PTPN18: variants seen among roughly 807,000 people sequenced by gnomAD.
The protein encoded by PTPN18 is protein tyrosine phosphatase non-receptor type 18.
Under a neutral mutation model 65.4 loss-of-function variants are expected in PTPN18, and 65 were observed. That is an observed-to-expected ratio of 0.99 (90% CI 0.81 to 1.22). The LOEUF is 1.22. Ranked by LOEUF, PTPN18 falls within the 50% of genes most tolerant of loss-of-function variation. The pLI, the probability that PTPN18 is intolerant of heterozygous loss-of-function variation, is 0.00. For missense variants in PTPN18, 616 were observed against 646.5 expected (o/e 0.95, Z 0.51); for synonymous variants, 255 against 267.8 (o/e 0.95, Z 0.47).
chr2:130,373,295 C>T lies in PTPN18; in HGVS notation c.*71C>T, dbSNP rs557376839. 19 of 1,397,604 alleles carry T rather than the reference C, an allele frequency of 1.4e-5. No homozygotes were observed. Among genetic ancestry groups the T allele is most frequent in the Non-Finnish European group, 1.8e-5 (19 of 1,041,832 alleles). The allele number at this position is 1,397,604 out of a possible 1,614,324, so 86.6% of individuals were successfully genotyped here. The stretch of plus-strand genomic sequence containing the variant: ...CTGATGCCCCGGTGCTGCTGAGCGC[C>T]GTGCGCAGAATGGAAACAGTGGGCC... On this transcript the variant is annotated 3_prime_UTR_variant, in exon 15 of 15. Transcript: ENST00000175756. The surrounding 1 kb of genome is among the most constrained non-coding windows in gnomAD (Gnocchi z 4.1).
rs1235105915 is a variant in PTPN18, at chr2:130,370,756, C to A, written c.808C>A (p.Gln270Lys). ...LFDVVLKMRK[Q>K]RPAAVQTEEQ... ...TGATGTGGTCCTTAAGATGAGGAAG[C>A]AGCGGCCTGCGGCCGTGCAGACAGA... Residue 270 changes from glutamine (Q) to lysine (K), a missense_variant, in exon 10 of 15, where the codon CAG (glutamine) becomes AAG (lysine). This residue lies in a region of PTPN18 where 368 missense variants were observed against 386.7 expected (regional missense o/e 0.95). Coordinates refer to ENST00000175756, the MANE Select transcript of PTPN18 (RefSeq NM_014369.4). The A allele has an allele frequency of 6.2e-7, 1 of 1,614,088 alleles. No homozygotes were observed. Among genetic ancestry groups the A allele is most frequent in the African/African-American group, 1.3e-5 (1 of 74,948 alleles).
At chr2:130,358,760 A>C (rs1203241084) in intron 1 of PTPN18, 107 bp from the exon 2 acceptor site, 1 of 846,090 alleles carries the variant, frequency 1.2e-6, no homozygotes, top group Non-Finnish European at 1.9e-6. Context: ...TCACCTCCCC[A>C]GGCCACTGGC....
intron 5 of PTPN18, chr2:130,368,926 T>C (rs1680466698): frequency 1.9e-6 from 1 of 516,050 alleles, no homozygotes; most frequent in Non-Finnish European, 3.5e-6. Flanking sequence ...TGGACTGTAT[T>C]TCCCCTGCAT....
intron 5 of PTPN18, among the ~76,000 whole-genome samples, chr2:130,367,951 C>T (rs1558845461): frequency 6.6e-6 from 1 of 151,962 alleles, no homozygotes; most frequent in Admixed American, 6.6e-5. Context: ...TCATTTTTTT[C>T]ATTTCATTTT....
At chr2:130,366,192 TAATACAA>T (rs1426729993) in intron 5 of PTPN18, among the ~76,000 whole-genome samples, 1 of 152,204 alleles carries the variant, frequency 6.6e-6, no homozygotes, top group Non-Finnish European at 1.5e-5. Context: ...CCTGAACTGT[TAATACAA>T]ACAATATGCT....
At chr2:130,363,795 G>A (rs1208637802) in intron 5 of PTPN18, among the ~76,000 whole-genome samples, 3 of 148,044 alleles carry the variant, frequency 2.0e-5, no homozygotes, top group Non-Finnish European at 4.5e-5. Context: ...TGTCTCTTGG[G>A]TATTGCTGGG....
At chr2:130,370,682 A>G (rs976629782) in intron 9 of PTPN18, 23 bp from the exon 10 acceptor site, 3 of 1,614,114 alleles carry the variant, frequency 1.9e-6, no homozygotes, top group Non-Finnish European at 2.5e-6. Context: ...GTCCTGCTCA[A>G]GTGCCTTGTC....
In PTPN18 at chr2:130,370,940, C is replaced by T. The variant is rs774094883; in HGVS notation, c.900C>T (p.Ser300=). Residue 300 remains serine (S), a synonymous_variant, in exon 11 of 15, where the codon AGC becomes AGT. Transcript: ENST00000175756. The part of the protein sequence containing the change: ...QMFCSTLQNA[S]PHYQNIKENC... ...TCTGCTCCACACTCCAGAATGCCAG[C>T]CCCCACTACCAGAACATCAAAGAGG... The T allele has an allele frequency of 8.7e-6, 14 of 1,614,060 alleles. No homozygotes were observed. The highest frequency in any genetic ancestry group is 1.2e-5 in the Non-Finnish European group (14 of 1,179,936).
Position 130,356,064 on chromosome 2 carries a change from C to T in PTPN18, c.-44C>T. 3 of 1,170,740 alleles carry T rather than the reference C, an allele frequency of 2.6e-6. No individual in the cohort carries two copies. Among genetic ancestry groups the T allele is most frequent in the Non-Finnish European group, 3.2e-6 (3 of 934,472 alleles). The allele number at this position is 1,170,740 out of a possible 1,614,324, so 72.5% of individuals were successfully genotyped here. A position where few individuals can be genotyped will look rare whatever the true frequency, so the allele number is the denominator to read the frequency against. On this transcript the variant is annotated 5_prime_UTR_variant, in exon 1 of 15. Transcript: ENST00000175756. The stretch of plus-strand genomic sequence containing the variant: ...CGCCTCCCGCGGCGTCCACACTCGC[C>T]GCGCGCGCGGCGGCCGGGCTGGACC...
At chr2:130,359,886 A>T (rs1280498717) in intron 5 of PTPN18, 3 of 568,320 alleles carry the variant, frequency 5.3e-6, no homozygotes, top group African/African-American at 3.8e-5. Flanking sequence ...ATAAGGCCCT[A>T]TTCTGACTGC....
At chr2:130,367,902 C>A (rs1680437397) in intron 5 of PTPN18, among the ~76,000 whole-genome samples, 1 of 152,248 alleles carries the variant, frequency 6.6e-6, no homozygotes, top group South Asian at 2.1e-4. Flanking sequence ...CGTGCACATA[C>A]ACTAGACTGG....
rs184299337 is a variant in PTPN18, at chr2:130,359,840, C to T, written c.414+194C>T. On this transcript the variant is annotated intron_variant, in intron 5 of 14. Transcript: ENST00000175756. ...ATCCCCCAGTGTTGGCAACCCCTCT[C>T]CTGCTGGGCTTCCCAGCCATTTCAC... 3.1e-3 allele frequency: 2,071 copies of T among 669,898 alleles called. 10 individuals carry two copies. Among genetic ancestry groups the T allele is most frequent in the Admixed American group, 5.0e-3 (178 of 35,768 alleles). The allele number at this position is 669,898 out of a possible 1,614,324, so 41.5% of individuals were successfully genotyped here.
At chr2:130,365,056 TCA>T (rs1383718123) in intron 5 of PTPN18, among the ~76,000 whole-genome samples, 2 of 152,234 alleles carry the variant, frequency 1.3e-5, no homozygotes, top group African/African-American at 4.8e-5. Context: ...TGTGTAAACA[TCA>T]TAGAGTATAC....
At chr2:130,364,881 G>A (rs1680333891) in intron 5 of PTPN18, among the ~76,000 whole-genome samples, 1 of 152,202 alleles carries the variant, frequency 6.6e-6, no homozygotes, top group Admixed American at 6.5e-5. Context: ...TATACACCTA[G>A]CATGGAATTG....
chr2:130,371,942 G>C, intron 12 of PTPN18: 1 of 327,532 alleles, frequency 3.1e-6, no homozygotes, highest in Non-Finnish European at 5.6e-6. Flanking sequence ...TTGTCCTTGC[G>C]GCCATCCCTT....
At position 130,370,956 on chromosome 2, in the gene PTPN18, A is replaced by C; in HGVS notation, c.916A>C (p.Ile306Leu). The change falls in exon 11 of 15, where the codon ATC (isoleucine) becomes CTC (leucine). Residue 306 changes from isoleucine (I) to leucine (L), a missense_variant. Physicochemically the swap from Ile to Leu is conservative, Grantham distance 5. Around this residue, in one of 3 missense-constraint regions of PTPN18, gnomAD observed 368 missense variants for 386.7 expected, o/e 0.95. Transcript: ENST00000175756. Reference sequence around the variant, plus strand: ...GAATGCCAGCCCCCACTACCAGAACATCAAAGAGGTACAGAGGCTCCTTTC... The same window carrying C: ...GAATGCCAGCCCCCACTACCAGAACCTCAAAGAGGTACAGAGGCTCCTTTC... ...LQNASPHYQN[I>L]KENCAPLYDD... 1 of 1,613,778 alleles carries C rather than the reference A, an allele frequency of 6.2e-7. No homozygotes were observed. The highest frequency in any genetic ancestry group is 8.5e-7 in the Non-Finnish European group (1 of 1,179,778).
chr2:130,370,900 C>T lies in PTPN18; in HGVS notation c.860C>T (p.Thr287Met), dbSNP rs772315387. The change falls in exon 11 of 15, where the codon ACG becomes ATG. Residue 287 changes from threonine to methionine, a missense_variant. This residue lies in a region of PTPN18 where 368 missense variants were observed against 386.7 expected (regional missense o/e 0.95). Transcript: ENST00000175756. The part of the protein sequence containing the change: ...TEEQYRFLYH[T>M]VAQMFCSTLQ... ...GAGCAGTACAGGTTCCTGTACCACA[C>T]GGTGGCTCAGATGTTCTGCTCCACA... The T allele has an allele frequency of 1.4e-5, 23 of 1,614,044 alleles. No homozygotes were observed. The highest frequency in any genetic ancestry group is 1.6e-4 in the Middle Eastern group (1 of 6,084).
chr2:130,358,759 C>T, intron 1 of PTPN18, 108 bp from the exon 2 acceptor site: 1 of 844,458 alleles, frequency 1.2e-6, no homozygotes, highest in Non-Finnish European at 1.9e-6. Context: ...CTCACCTCCC[C>T]AGGCCACTGG....
chr2:130,359,024 C>T (rs996447037), intron 2 of PTPN18, 49 bp downstream of exon 2: 3 of 1,581,860 alleles, frequency 1.9e-6, no homozygotes, highest in African/African-American at 1.3e-5. Context: ...CACGCCCTGC[C>T]ACGTCCAGGC....
Sources: allele counts gnomAD v4.1 joint callset (sites outside exome capture counted in the v4.1 genomes callset), GRCh38; gene constraint gnomAD v4.1.1; regional missense constraint gnomAD v4.1.1; non-coding constraint Gnocchi (gnomAD v3.1); transcripts MANE v1.5; gene names NCBI Gene and HGNC (gene_info 2026-07-23, HGNC 2026-07-21).